The following CTNNA1 variants were observed in gnomAD, a reference collection of about 807,000 sequenced individuals.
The protein encoded by CTNNA1 is catenin alpha 1.
CTNNA1 carries 37 observed loss-of-function variants against 98.4 expected under a neutral mutation model. That is an observed-to-expected ratio of 0.38 (90% CI 0.29 to 0.49). The LOEUF (loss-of-function observed/expected upper bound fraction) is 0.49, where lower values mean the gene tolerates loss of function less well. CTNNA1 is among the 20% of genes least tolerant of loss of function. The pLI is 0.95. For synonymous variants in CTNNA1, 404 were observed against 413.2 expected (o/e 0.98, Z 0.27); for missense variants, 761 against 1,147.2 (o/e 0.66, Z 4.86).
intron 1 of CTNNA1, among the ~76,000 whole-genome samples, chr5:138,761,601 G>A (rs1414814586): frequency 6.4e-5 from 5 of 77,916 alleles, no homozygotes. Flanking sequence ...AAAATGAACA[G>A]GTAAAAAAAT....
chr5:138,920,152 G>A (rs906082432), intron 11 of CTNNA1, among the ~76,000 whole-genome samples: 4 of 151,718 alleles, frequency 2.6e-5, no homozygotes, highest in African/African-American at 9.7e-5. Context: ...CTAATTTTTT[G>A]TATTTTTAGG....
chr5:138,902,203 T>C (rs984888540), intron 9 of CTNNA1, among the ~76,000 whole-genome samples: 1 of 152,184 alleles, frequency 6.6e-6, no homozygotes, highest in African/African-American at 2.4e-5. Context: ...CCCTCATGTG[T>C]CTGATGTAGA....
intron 7 of CTNNA1, chr5:138,828,312 T>A (rs185408488): frequency 9.2e-5 from 14 of 152,398 alleles, no homozygotes; most frequent in African/African-American, 3.1e-4. Flanking sequence ...CTCTGGATAG[T>A]GTTTTTGAAT....
At chr5:138,791,675 A>G (rs932216654) in intron 3 of CTNNA1, among the ~76,000 whole-genome samples, 4 of 142,626 alleles carry the variant, frequency 2.8e-5, no homozygotes, top group African/African-American at 5.1e-5. Context: ...AGAAAGGAGT[A>G]TTTATTGTCT....
intron 4 of CTNNA1, among the ~76,000 whole-genome samples, chr5:138,810,910 G>A (rs1275739651): frequency 1.3e-5 from 2 of 149,978 alleles, no homozygotes; most frequent in South Asian, 2.1e-4. Flanking sequence ...GCGGCTGGCC[G>A]GGCAGGGGGC....
At chr5:138,772,383 T>G (rs1283755684) in intron 1 of CTNNA1, among the ~76,000 whole-genome samples, 1 of 152,188 alleles carries the variant, frequency 6.6e-6, no homozygotes, top group African/African-American at 2.4e-5. Context: ...TCTAGTAGGT[T>G]TTGTGATAGA....
At chr5:138,753,680 C>T in intron 1 of CTNNA1, 170 bp downstream of exon 1, 1 of 333,790 alleles carries the variant, frequency 3.0e-6, no homozygotes, top group Non-Finnish European at 5.4e-6. Flanking sequence ...GGCGTGGGAC[C>T]CGCGTCGGGC....
At chr5:138,757,363 T>C (rs547102859) in intron 1 of CTNNA1, among the ~76,000 whole-genome samples, 138 of 152,254 alleles carry the variant, frequency 9.1e-4, no homozygotes, top group African/African-American at 3.1e-3. Context: ...CGTGAATATA[T>C]GTAATGCCGC....
chr5:138,779,622 C>T (rs1754815014), intron 1 of CTNNA1, among the ~76,000 whole-genome samples: 1 of 152,044 alleles, frequency 6.6e-6, no homozygotes, highest in Admixed American at 6.6e-5. Flanking sequence ...CCTGCCTTGG[C>T]CTTCCAAAGT....
rs114371681 is a variant in CTNNA1, at chr5:138,829,315, G to A, written c.1062+1597G>A. On this transcript the variant is annotated intron_variant, in intron 7 of 17. Transcript: ENST00000302763. ...ATGTTGCAGAATGGCTCACAATGTT[G>A]CAGTCTTAAACAGGGGAACAAAAAC... 4.8e-3 allele frequency among the ~76,000 whole-genome samples: 728 copies of A among 152,270 alleles called. 3 individuals are homozygous for A. The highest frequency in any genetic ancestry group is 0.015 in the African/African-American group (613 of 41,552).
At chr5:138,861,441 A>T (rs947158037) in intron 7 of CTNNA1, among the ~76,000 whole-genome samples, 1 of 152,194 alleles carries the variant, frequency 6.6e-6, no homozygotes, top group African/African-American at 2.4e-5. Flanking sequence ...CATACTTTCA[A>T]ATGAAAGGTC....
chr5:138,756,805 T>G (rs1009842319), intron 1 of CTNNA1, among the ~76,000 whole-genome samples: 23 of 152,122 alleles, frequency 1.5e-4, no homozygotes, highest in Non-Finnish European at 2.9e-4. Flanking sequence ...GGCTTGTGTT[T>G]GTGTGCATGT....
chr5:138,831,760 T>C (rs1201614436), intron 7 of CTNNA1, among the ~76,000 whole-genome samples: 1 of 152,260 alleles, frequency 6.6e-6, no homozygotes, highest in African/African-American at 2.4e-5. Context: ...ACTAGGTTTT[T>C]AAGCCTTTGG....
intron 1 of CTNNA1, among the ~76,000 whole-genome samples, chr5:138,772,733 C>A (rs1191221802): frequency 6.6e-6 from 1 of 152,166 alleles, no homozygotes; most frequent in African/African-American, 2.4e-5. Context: ...TAAAACAATT[C>A]AATGGCTGTT....
intron 1 of CTNNA1, among the ~76,000 whole-genome samples, chr5:138,780,832 T>C (rs190853832): frequency 6.6e-6 from 1 of 152,222 alleles, no homozygotes; most frequent in East Asian, 1.9e-4. Context: ...CTTTTAAATG[T>C]CTACCAGCAG....
chr5:138,851,593 T>TA (rs561313747), intron 7 of CTNNA1, among the ~76,000 whole-genome samples: 77 of 136,020 alleles, frequency 5.7e-4, no homozygotes, highest in African/African-American at 1.9e-3. Context: ...CCCTGTCTCT[T>TA]AAAAAAAATG....
chr5:138,766,917 G>GT (rs1752998332), intron 1 of CTNNA1, among the ~76,000 whole-genome samples: 1 of 152,132 alleles, frequency 6.6e-6, no homozygotes. Context: ...GAGGGAAGGG[G>GT]TTGTTTCAGT....
At chr5:138,784,009 T>A (rs1356406904) in intron 3 of CTNNA1, among the ~76,000 whole-genome samples, 1 of 152,232 alleles carries the variant, frequency 6.6e-6, no homozygotes, top group Admixed American at 6.5e-5. Flanking sequence ...AAAATTGTCC[T>A]TATTATGTTA....
chr5:138,790,093 G>A (rs1285926611), intron 3 of CTNNA1, among the ~76,000 whole-genome samples: 1 of 152,208 alleles, frequency 6.6e-6, no homozygotes, highest in Non-Finnish European at 1.5e-5. Context: ...CAGCCCAGAG[G>A]TAGGACCTAG....
Sources: gnomAD v4.1 joint callset for allele counts (sites outside exome capture counted in the v4.1 genomes callset) on GRCh38, gnomAD v4.1.1 for gene constraint, MANE v1.5 for transcripts, NCBI Gene and HGNC (gene_info 2026-07-23, HGNC 2026-07-21) for gene names.